The following RAD51B variants were observed in gnomAD, a reference collection of about 807,000 sequenced individuals.
RAD51B encodes RAD51 paralog B.
RAD51B carries 38 observed loss-of-function variants against 42.2 expected under a neutral mutation model. The ratio of observed to expected loss-of-function variants is 0.90; its 90% CI spans 0.70 to 1.18. The LOEUF (loss-of-function observed/expected upper bound fraction) is 1.18. Ranked by LOEUF, RAD51B falls within the 50% of genes most tolerant of loss-of-function variation. The probability of loss-of-function intolerance (pLI) is 0.00; values close to 1 mark genes in which losing one functional copy is unlikely to be tolerated. For missense variants in RAD51B, 373 were observed against 400.7 expected (o/e 0.93, Z 0.59); for synonymous variants, 154 against 145.2 (o/e 1.06, Z -0.43).
At chr14:68,079,986 A>T (rs1189925062) in intron 7 of RAD51B, among the ~76,000 whole-genome samples, 2 of 152,246 alleles carry the variant, frequency 1.3e-5, no homozygotes, top group East Asian at 3.8e-4. Context: ...ATTACCTGGT[A>T]GTTATCAGAT....
chr14:68,212,998 C>G (rs1274657), intron 7 of RAD51B, among the ~76,000 whole-genome samples: 26,556 of 151,988 alleles, frequency 0.17, 2,484 homozygotes, highest in Middle Eastern at 0.36. Flanking sequence ...GCAGTTTTGA[C>G]CTGATGGATG....
intron 7 of RAD51B, among the ~76,000 whole-genome samples, chr14:68,083,677 T>C (rs1282497537): frequency 2.0e-5 from 3 of 152,198 alleles, no homozygotes; most frequent in Non-Finnish European, 4.4e-5. Flanking sequence ...AAATGGAGAA[T>C]ATTTCATATT....
chr14:68,274,207 A>G (rs7148882), intron 7 of RAD51B, among the ~76,000 whole-genome samples: 65,241 of 151,788 alleles, frequency 0.43, 18,157 homozygotes, highest in African/African-American at 0.8. Context: ...CTCTCCTTCC[A>G]TTTCACTCTT....
At chr14:68,413,250 T>C (rs1298244734) in intron 9 of RAD51B, among the ~76,000 whole-genome samples, 4 of 152,198 alleles carry the variant, frequency 2.6e-5, no homozygotes. Flanking sequence ...GTCTCTTTGG[T>C]GACTGGAGGA....
intron 8 of RAD51B, among the ~76,000 whole-genome samples, chr14:68,341,982 T>C (rs1166800919): frequency 1.3e-5 from 2 of 152,200 alleles, no homozygotes; most frequent in Non-Finnish European, 2.9e-5. Flanking sequence ...TGACATATTG[T>C]GTATAGTGTA....
chr14:68,446,768 A>G (rs1218569086), intron 9 of RAD51B, among the ~76,000 whole-genome samples: 3 of 152,162 alleles, frequency 2.0e-5, no homozygotes, highest in Non-Finnish European at 4.4e-5. Context: ...TAATTGAATT[A>G]ATATAAGATT....
intron 7 of RAD51B, among the ~76,000 whole-genome samples, chr14:67,940,041 TATATATATATATA>T (rs1470994037): frequency 2.2e-4 from 3 of 13,568 alleles, no homozygotes; most frequent in South Asian, 3.4e-3. Context: ...TATATATATA[TATATATATATATA>T]TTTTTTTTTT....
At chr14:68,379,108 A>G (rs1202818804) in intron 8 of RAD51B, among the ~76,000 whole-genome samples, 1 of 152,226 alleles carries the variant, frequency 6.6e-6, no homozygotes. Flanking sequence ...ATTCAAGGAT[A>G]AACTGATATT....
intron 7 of RAD51B, among the ~76,000 whole-genome samples, chr14:68,114,488 T>C (rs984785628): frequency 6.6e-6 from 1 of 152,160 alleles, no homozygotes; most frequent in Non-Finnish European, 1.5e-5. Flanking sequence ...TCATTAAATT[T>C]GTGCAGATAC....
At chr14:67,851,991 A>G (rs572158202) in intron 4 of RAD51B, among the ~76,000 whole-genome samples, 2 of 151,914 alleles carry the variant, frequency 1.3e-5, no homozygotes, top group African/African-American at 4.8e-5. Context: ...CTGGAGGTCT[A>G]CTTACTCTCA....
At chr14:68,229,215 T>C (rs551477289) in intron 7 of RAD51B, among the ~76,000 whole-genome samples, 1 of 152,322 alleles carries the variant, frequency 6.6e-6, no homozygotes, top group South Asian at 2.1e-4. Context: ...TTGCATTGTA[T>C]ATATTTTAAT....
chr14:68,078,335 G>C (rs182434054), intron 7 of RAD51B, among the ~76,000 whole-genome samples: 35 of 152,264 alleles, frequency 2.3e-4, no homozygotes, highest in African/African-American at 7.9e-4. Context: ...TTTGTTTCCT[G>C]TTTCTGTGTT....
chr14:67,894,821 C>G (rs1263740338), intron 7 of RAD51B, among the ~76,000 whole-genome samples: 1 of 152,118 alleles, frequency 6.6e-6, no homozygotes, highest in African/African-American at 2.4e-5. Flanking sequence ...TCTCTCTTTC[C>G]CAGGCAGGAG....
intron 7 of RAD51B, among the ~76,000 whole-genome samples, chr14:67,970,788 T>A (rs1272237418): frequency 2.0e-5 from 3 of 152,106 alleles, no homozygotes; most frequent in Non-Finnish European, 4.4e-5. Context: ...TAATTTTTTC[T>A]CTTTAAAGGA....
At chr14:68,402,511 T>C (rs1329952789) in intron 8 of RAD51B, among the ~76,000 whole-genome samples, 1 of 152,218 alleles carries the variant, frequency 6.6e-6, no homozygotes, top group Non-Finnish European at 1.5e-5. Flanking sequence ...TCTTTAAGCT[T>C]TGTTACTATG....
chr14:68,123,120 C>T (rs953018665), intron 7 of RAD51B, among the ~76,000 whole-genome samples: 2 of 151,652 alleles, frequency 1.3e-5, no homozygotes, highest in East Asian at 1.9e-4. Flanking sequence ...CAGGCTTTGC[C>T]TGTTCCATAA....
At chr14:68,213,004 G>A (rs887435788) in intron 7 of RAD51B, among the ~76,000 whole-genome samples, 1 of 152,148 alleles carries the variant, frequency 6.6e-6, no homozygotes, top group African/African-American at 2.4e-5. Flanking sequence ...TTGACCTGAT[G>A]GATGGACTAA....
chr14:67,831,702 A>AT, intron 3 of RAD51B, among the ~76,000 whole-genome samples: 1 of 136,350 alleles, frequency 7.3e-6, no homozygotes, highest in Admixed American at 7.1e-5. Flanking sequence ...ATGCCCAGCT[A>AT]ATTTTTTTTT....
At chr14:68,480,662 GAA>G (rs111748995), downstream of RAD51B, among the ~76,000 whole-genome samples, 269 of 146,146 alleles carry the variant, frequency 1.8e-3, 1 homozygote, top group Middle Eastern at 7.0e-3. Context: ...AGATTATCAG[GAA>G]AAAAAAAAAA....
Sources: allele counts gnomAD v4.1 joint callset (sites outside exome capture counted in the v4.1 genomes callset), GRCh38; gene constraint gnomAD v4.1.1; transcripts MANE v1.5; gene names NCBI Gene and HGNC (gene_info 2026-07-23, HGNC 2026-07-21).